Variants in SENP7 observed in about 807,000 individuals in gnomAD.
SENP7 encodes SUMO specific peptidase 7, also known as sentrin-specific protease 7.
A neutral mutation model predicts 141.2 loss-of-function variants in SENP7; 64 were observed. The observed-to-expected ratio is 0.45, with a 90% CI of 0.37 to 0.56. The LOEUF is 0.56. Ranked by LOEUF, SENP7 falls within the 20% of genes least tolerant of loss-of-function variation. The pLI is 0.00. For synonymous variants in SENP7, 382 were observed against 426.4 expected (o/e 0.90, Z 1.28); for missense variants, 1,025 against 1,212.2 (o/e 0.85, Z 2.29).
At chr3:101,364,123 G>A (rs1016900990) in intron 10 of SENP7, among the ~76,000 whole-genome samples, 10 of 152,080 alleles carry the variant, frequency 6.6e-5, no homozygotes, top group African/African-American at 1.9e-4. Flanking sequence ...AGCTACCTGA[G>A]AGGCTGAATG....
intron 11 of SENP7, among the ~76,000 whole-genome samples, chr3:101,351,924 T>C (rs1007977448): frequency 2.6e-5 from 4 of 151,944 alleles, no homozygotes; most frequent in African/African-American, 9.7e-5. Context: ...TCTGAAAATG[T>C]AAAGACTAAG....
At chr3:101,480,963 CAA>C (rs60964718) in intron 3 of SENP7, among the ~76,000 whole-genome samples, 2 of 79,470 alleles carry the variant, frequency 2.5e-5, no homozygotes. Context: ...ATCAGAAAGA[CAA>C]AAAAAAAAAA....
intron 3 of SENP7, among the ~76,000 whole-genome samples, chr3:101,481,167 C>A (rs953656314): frequency 1.3e-5 from 2 of 151,598 alleles, no homozygotes; most frequent in Non-Finnish European, 2.9e-5. Context: ...AACAATATTT[C>A]AATAAGATAC....
At chr3:101,494,293 T>C (rs1384448422) in intron 2 of SENP7, among the ~76,000 whole-genome samples, 1 of 152,190 alleles carries the variant, frequency 6.6e-6, no homozygotes, top group African/African-American at 2.4e-5. Context: ...GCTGCAATAC[T>C]TAAAATTCAA....
chr3:101,331,870 A>T, intron 19 of SENP7, 115 bp downstream of exon 19: 1 of 997,342 alleles, frequency 1.0e-6, no homozygotes, highest in Non-Finnish European at 1.4e-6. Flanking sequence ...TCATCCTGTT[A>T]AAGTAGGTTT....
At chr3:101,481,980 A>C (rs141571300) in intron 3 of SENP7, among the ~76,000 whole-genome samples, 4 of 152,192 alleles carry the variant, frequency 2.6e-5, no homozygotes, top group African/African-American at 4.8e-5. Flanking sequence ...GGAATTTGAA[A>C]TTAAAAACAC....
rs187974080 is a variant in SENP7, at chr3:101,463,120, C to T, written c.187-4068G>A. ...GTGGCTTATGCCTGTAATCCCAACA[C>T]TTTGGGAGGCTGAGGCAGGAAGATC... On this transcript the variant is annotated intron_variant, in intron 3 of 23. Transcript: ENST00000394095. Among the ~76,000 whole-genome samples, 691 of 151,302 alleles carry T rather than the reference C, an allele frequency of 4.6e-3. 4 individuals carry two copies. Among genetic ancestry groups the T allele is most frequent in the Non-Finnish European group, 5.3e-3 (361 of 67,780 alleles).
At chr3:101,472,091 T>G (rs1198043768) in intron 3 of SENP7, among the ~76,000 whole-genome samples, 1 of 152,244 alleles carries the variant, frequency 6.6e-6, no homozygotes, top group Non-Finnish European at 1.5e-5. Context: ...GAAGACAGTG[T>G]GGCGAATCCT....
chr3:101,451,707 G>A (rs1416819793), intron 4 of SENP7, among the ~76,000 whole-genome samples: 2 of 152,088 alleles, frequency 1.3e-5, no homozygotes, highest in Admixed American at 6.5e-5. Context: ...TTGATGGGAC[G>A]TATCTCAAAA....
intron 3 of SENP7, among the ~76,000 whole-genome samples, chr3:101,467,684 A>G (rs144371110): frequency 6.6e-6 from 1 of 152,302 alleles, no homozygotes; most frequent in African/African-American, 2.4e-5. Context: ...GGTCATCTAC[A>G]CCAAAACCTC....
intron 4 of SENP7, among the ~76,000 whole-genome samples, chr3:101,445,349 G>C (rs2062848116): frequency 6.6e-6 from 1 of 151,846 alleles, no homozygotes; most frequent in Non-Finnish European, 1.5e-5. Context: ...CATACATCTA[G>C]AAGCAAAAAG....
intron 6 of SENP7, among the ~76,000 whole-genome samples, chr3:101,386,272 T>A (rs999397665): frequency 5.3e-5 from 8 of 152,298 alleles, no homozygotes; most frequent in African/African-American, 1.9e-4. Context: ...GACAGACTCC[T>A]TGCTGTGAAG....
At chr3:101,392,417 G>GA (rs570741557) in intron 6 of SENP7, among the ~76,000 whole-genome samples, 5 of 151,570 alleles carry the variant, frequency 3.3e-5, no homozygotes, top group South Asian at 4.2e-4. Context: ...GAACTAGCTG[G>GA]AAAAAAAATA....
intron 1 of SENP7, among the ~76,000 whole-genome samples, chr3:101,509,394 A>ATCCAGTACCCTCATGCTACT (rs2065758316): frequency 6.6e-6 from 1 of 152,238 alleles, no homozygotes; most frequent in Non-Finnish European, 1.5e-5. Flanking sequence ...TAATTGCCAA[A>ATCCAGTACCCTCATGCTACT]TCCAGTACCC....
At chr3:101,451,655 A>C (rs1001937748) in intron 4 of SENP7, among the ~76,000 whole-genome samples, 2 of 152,140 alleles carry the variant, frequency 1.3e-5, no homozygotes, top group Non-Finnish European at 2.9e-5. Flanking sequence ...CCTTTGACAA[A>C]ATTAAAAACC....
At chr3:101,438,107 C>G (rs2062460452) in intron 4 of SENP7, among the ~76,000 whole-genome samples, 3 of 152,066 alleles carry the variant, frequency 2.0e-5, no homozygotes, top group Non-Finnish European at 1.5e-5. Flanking sequence ...TGGATATACA[C>G]CCAAAAAAAT....
At chr3:101,379,020 T>A (rs767619196) in intron 6 of SENP7, among the ~76,000 whole-genome samples, 1 of 152,150 alleles carries the variant, frequency 6.6e-6, no homozygotes, top group Non-Finnish European at 1.5e-5. Flanking sequence ...AGTGTGGTAC[T>A]AGTATAAAAA....
chr3:101,358,294 C>A, intron 11 of SENP7: 1 of 1,058,730 alleles, frequency 9.4e-7, no homozygotes, highest in Non-Finnish European at 1.3e-6. Flanking sequence ...TTAACTGGTC[C>A]TCAGCCCTTA....
Position 101,364,926 on chromosome 3 carries a change from A to G in SENP7, c.1384T>C (p.Ser462Pro). ...TTAGTTGTCTCACGGTCTTGCTTAG[A>G]TTGTAACTTAAGAATTTCTGAACTT... ...HKSSEILKLQSKQDRETTNEN... is the reference protein window; with the variant it reads ...HKSSEILKLQPKQDRETTNEN... The change falls in exon 10 of 24, where the codon TCT (serine) becomes CCT (proline). Residue 462 changes from serine (S) to proline (P), a missense_variant. Around this residue, in one of 4 missense-constraint regions of SENP7, gnomAD observed 228 missense variants for 228.5 expected, o/e 1.00. Transcript: ENST00000394095. 1 of 1,596,072 alleles carries G rather than the reference A, an allele frequency of 6.3e-7. No individual in the cohort carries two copies. Among genetic ancestry groups the G allele is most frequent in the Non-Finnish European group, 8.5e-7 (1 of 1,171,482 alleles).
Sources: gnomAD v4.1 joint callset for allele counts (sites outside exome capture counted in the v4.1 genomes callset) on GRCh38, gnomAD v4.1.1 for gene constraint, gnomAD v4.1.1 regional missense constraint, MANE v1.5 for transcripts, NCBI Gene and HGNC (gene_info 2026-07-23, HGNC 2026-07-21) for gene names.